The following RPL39L variants were observed in gnomAD, a reference collection of about 807,000 sequenced individuals.
RPL39L encodes ribosomal protein eL39-like 2.
For synonymous variants in RPL39L, 16 were observed against 20.1 expected, an observed-to-expected ratio of 0.80 and a Z score of 0.55; for missense variants, 48 against 58.9, an observed-to-expected ratio of 0.81 and a Z score of 0.61.
chr3:187,127,397 G>A (rs564565620), intron 2 of RPL39L, among the ~76,000 whole-genome samples: 41 of 152,266 alleles, frequency 2.7e-4, no homozygotes, highest in Admixed American at 1.8e-3. Flanking sequence ...AGAACCACTA[G>A]TATGAAAAAA....
At position 187,131,822 on chromosome 3, in the gene RPL39L, A is replaced by G. The variant is rs76716622; in HGVS notation, c.-92-3760T>C. 3.9e-3 allele frequency among the ~76,000 whole-genome samples: 588 copies of G among 152,326 alleles called. 4 individuals are homozygous for G. The highest frequency in any genetic ancestry group is 0.025 in the South Asian group (121 of 4,824). On this transcript the variant is annotated intron_variant, in intron 1 of 2. Transcript: ENST00000296277. The stretch of plus-strand genomic sequence containing the variant: ...TACAGGTCTTAGCTGTTATTTTTAT[A>G]TCTACAGCTGTATAAAGCCTACAGT...
At chr3:187,122,379 G>C (rs994472144) in intron 2 of RPL39L, among the ~76,000 whole-genome samples, 1 of 73,170 alleles carries the variant, frequency 1.4e-5, no homozygotes, top group Non-Finnish European at 2.4e-5. Context: ...GATCTGTCAT[G>C]ACAAAGGCAT....
At chr3:187,132,914 GAAA>G (rs1720510230) in intron 1 of RPL39L, among the ~76,000 whole-genome samples, 1 of 146,850 alleles carries the variant, frequency 6.8e-6, no homozygotes, top group African/African-American at 2.7e-5. Context: ...GAAATCCAAG[GAAA>G]GACTGACCTG....
At chr3:187,121,398 A>T in intron 2 of RPL39L, 70 bp from the exon 3 acceptor site, 1 of 1,431,058 alleles carries the variant, frequency 7.0e-7, no homozygotes, top group Non-Finnish European at 9.6e-7. Flanking sequence ...AACATGAAGA[A>T]ATAACAAGAC....
At chr3:187,137,002 T>A (rs1412913621) in intron 1 of RPL39L, among the ~76,000 whole-genome samples, 1 of 151,660 alleles carries the variant, frequency 6.6e-6, no homozygotes, top group African/African-American at 2.4e-5. Flanking sequence ...GAGTTTGAGA[T>A]CAGCCCGAGT....
At chr3:187,121,452 T>C in intron 2 of RPL39L, 124 bp from the exon 3 acceptor site, 1 of 945,616 alleles carries the variant, frequency 1.1e-6, no homozygotes, top group Non-Finnish European at 1.6e-6. Context: ...TCATTGCCAC[T>C]CAGGATCCCA....
chr3:187,129,227 C>T (rs535444262), intron 1 of RPL39L, among the ~76,000 whole-genome samples: 7 of 152,298 alleles, frequency 4.6e-5, no homozygotes, highest in Middle Eastern at 3.4e-3. Context: ...TTGATAAGCT[C>T]GCTTCCTGAG....
At chr3:187,122,056 C>T (rs891006589) in intron 2 of RPL39L, among the ~76,000 whole-genome samples, 3 of 152,150 alleles carry the variant, frequency 2.0e-5, no homozygotes, top group Non-Finnish European at 2.9e-5. Flanking sequence ...TTAAAACATG[C>T]GATTTGCTGT....
At chr3:187,122,021 A>G (rs1720318949) in intron 2 of RPL39L, among the ~76,000 whole-genome samples, 1 of 152,206 alleles carries the variant, frequency 6.6e-6, no homozygotes, top group Non-Finnish European at 1.5e-5. Context: ...CATCCCCACA[A>G]CACTTAAAAT....
At position 187,126,925 on chromosome 3, in the gene RPL39L, C is replaced by T. The variant is rs538242446; in HGVS notation, c.-29+1074G>A. Among the ~76,000 whole-genome samples, 19 of 152,268 alleles carry T rather than the reference C, an allele frequency of 1.2e-4. No individual in the cohort carries two copies. The South Asian group carries it at 1.5e-3, about 12-fold the overall frequency. On this transcript the variant is annotated intron_variant, in intron 2 of 2. Coordinates refer to ENST00000296277, the MANE Select transcript of RPL39L (RefSeq NM_052969.3). The stretch of plus-strand genomic sequence containing the variant: ...AACAAGAATTGTAATAATGTGAATG[C>T]GCTGAGACTCCTCTGAGTTGTCCAG...
At chr3:187,135,417 G>A (rs1720558759) in intron 1 of RPL39L, among the ~76,000 whole-genome samples, 1 of 152,184 alleles carries the variant, frequency 6.6e-6, no homozygotes, top group Non-Finnish European at 1.5e-5. Context: ...TAGTGAATAA[G>A]TCTCATGAGC....
chr3:187,135,408 AGTGAAT>A (rs1194431826), intron 1 of RPL39L, among the ~76,000 whole-genome samples: 1 of 152,180 alleles, frequency 6.6e-6, no homozygotes, highest in African/African-American at 2.4e-5. Flanking sequence ...TTCTTGTGAT[AGTGAAT>A]AAGTCTCATG....
Position 187,121,047 on chromosome 3 carries a change from C to T in RPL39L, c.*98G>A. On this transcript the variant is annotated 3_prime_UTR_variant, in exon 3 of 3. Coordinates refer to ENST00000296277, the MANE Select transcript of RPL39L (RefSeq NM_052969.3). ...AAAAATATTCCCAGTAAAACATGTG[C>T]AACTGTCCAGGTAGTGGTGACATTT... 2 of 1,335,960 alleles carry T rather than the reference C, an allele frequency of 1.5e-6. No individual in the cohort carries two copies. The highest frequency in any genetic ancestry group is 1.4e-5 in the African/African-American group (1 of 69,052). The allele number at this position is 1,335,960 out of a possible 1,614,324, so 82.8% of individuals were successfully genotyped here. A position where few individuals can be genotyped will look rare whatever the true frequency, so the allele number is the denominator to read the frequency against.
intron 1 of RPL39L, among the ~76,000 whole-genome samples, chr3:187,133,656 G>A (rs1332726834): frequency 6.6e-6 from 1 of 152,092 alleles, no homozygotes; most frequent in South Asian, 2.1e-4. Flanking sequence ...AAGATAGCAA[G>A]CACCAAGTAA....
rs1407018143 is a variant in RPL39L, at chr3:187,121,287, T to C, written c.14A>G (p.Lys5Arg). The C allele has an allele frequency of 6.2e-6, 10 of 1,613,910 alleles. No individual in the cohort carries two copies. Among genetic ancestry groups the C allele is most frequent in the Admixed American group, 1.7e-5 (1 of 59,994 alleles). The change falls in exon 3 of 3, where the codon AAG becomes AGG. Residue 5 changes from lysine to arginine, a missense_variant. Physicochemically the swap from Lys to Arg is conservative, Grantham distance 26. Transcript: ENST00000296277. The stretch of plus-strand genomic sequence containing the variant: ...CAGGAATCGCTTAATGGTGAAAGTC[T>C]TGTGAGAAGACATGGCGAGAAACAG... MSSH[K>R]TFTIKRFLAK...
At chr3:187,133,152 C>T (rs1336089369) in intron 1 of RPL39L, among the ~76,000 whole-genome samples, 1 of 152,106 alleles carries the variant, frequency 6.6e-6, no homozygotes, top group Non-Finnish European at 1.5e-5. Flanking sequence ...TGGGACAAGG[C>T]AGGAGACTAG....
rs1028894274 is a variant in RPL39L at position 187,139,453 on chromosome 3, T to A, written c.-333A>T. The A allele has an allele frequency of 6.6e-6, 1 of 152,184 alleles. No individual in the cohort carries two copies. The highest frequency in any genetic ancestry group is 1.5e-5 in the Non-Finnish European group (1 of 68,036). The allele number at this position is 152,184 out of a possible 1,614,324, so 9.4% of individuals were successfully genotyped here. ...TGGCGTTCGGAGGCGGTTGCCTCGC[T>A]GGGCGCAGCAATTCAACCGCCGCGC... On this transcript the variant is annotated 5_prime_UTR_variant, in exon 1 of 3. Coordinates refer to ENST00000296277, the MANE Select transcript of RPL39L (RefSeq NM_052969.3).
At chr3:187,122,307 G>T (rs1397746650) in intron 2 of RPL39L, among the ~76,000 whole-genome samples, 1 of 152,136 alleles carries the variant, frequency 6.6e-6, no homozygotes, top group Non-Finnish European at 1.5e-5. Context: ...GATTGTGAGA[G>T]TAATTACATG....
chr3:187,134,250 T>C (rs1205452432), intron 1 of RPL39L, among the ~76,000 whole-genome samples: 1 of 151,888 alleles, frequency 6.6e-6, no homozygotes, highest in Non-Finnish European at 1.5e-5. Context: ...GTAACAGAGA[T>C]AAAGTAGTCT....
Sources: gnomAD v4.1 joint callset for allele counts (sites outside exome capture counted in the v4.1 genomes callset) on GRCh38, gnomAD v4.1.1 for gene constraint, MANE v1.5 for transcripts, NCBI Gene and HGNC (gene_info 2026-07-23, HGNC 2026-07-21) for gene names.